Variants in ZNF664 observed in about 807,000 individuals in gnomAD.
ZNF664 encodes zinc finger protein 664.
In ZNF664, 10 loss-of-function variants were observed where a neutral mutation model predicts 18.2. The observed-to-expected ratio is 0.55, with a 90% CI of 0.34 to 0.93. ZNF664 has a LOEUF of 0.93. Ranked by LOEUF, ZNF664 falls within the 40% of genes least tolerant of loss-of-function variation. ZNF664 has a pLI of 0.02. For synonymous variants in ZNF664, 119 were observed against 104.2 expected, an observed-to-expected ratio of 1.14 and a Z score of -0.86; for missense variants, 193 against 319.0, an observed-to-expected ratio of 0.61 and a Z score of 3.01.
In ZNF664 at chr12:124,013,254, T is replaced by G; in HGVS notation, c.*324T>G. The G allele has an allele frequency of 2.8e-6, 1 of 358,604 alleles. No homozygotes were observed. The highest frequency in any genetic ancestry group is 5.3e-6 in the Non-Finnish European group (1 of 188,814). 22.2% of individuals were successfully genotyped at this position (358,604 alleles called of 1,614,324 possible). A position where few individuals can be genotyped will look rare whatever the true frequency, so the allele number is the denominator to read the frequency against. On this transcript the variant is annotated 3_prime_UTR_variant, in exon 5 of 5. Transcript: ENST00000337815. Reference sequence around the variant, plus strand: ...TCATTGCCCGGCCTCCTGAGTCACCTTCTATCTATACTTTGCTTAAAAGCT... The same window carrying G: ...TCATTGCCCGGCCTCCTGAGTCACCGTCTATCTATACTTTGCTTAAAAGCT...
intron 2 of ZNF664, among the ~76,000 whole-genome samples, chr12:123,975,455 C>T (rs1956678662): frequency 6.6e-6 from 1 of 150,486 alleles, no homozygotes; most frequent in Non-Finnish European, 1.5e-5. Flanking sequence ...GATAGGGTCT[C>T]TTTCTGTTGC....
At chr12:124,001,361 T>G (rs1201175270) in intron 3 of ZNF664, among the ~76,000 whole-genome samples, 1 of 152,206 alleles carries the variant, frequency 6.6e-6, no homozygotes, top group South Asian at 2.1e-4. Context: ...CTACCAAATT[T>G]TAAAACAAAA....
intron 3 of ZNF664, among the ~76,000 whole-genome samples, chr12:123,995,101 TCAGA>T (rs1206882949): frequency 1.3e-5 from 2 of 152,172 alleles, no homozygotes; most frequent in African/African-American, 4.8e-5. Flanking sequence ...AAGCTGGTGC[TCAGA>T]CAGTTGAGAG....
chr12:123,994,588 GA>G (rs1287150925), intron 3 of ZNF664, among the ~76,000 whole-genome samples: 1 of 152,216 alleles, frequency 6.6e-6, no homozygotes, highest in Non-Finnish European at 1.5e-5. Flanking sequence ...GGTTGAAGTA[GA>G]TGAAGAAATC....
Position 123,973,347 on chromosome 12 carries a change from C to G in ZNF664, c.-897C>G, listed in dbSNP as rs1455754855. The G allele has an allele frequency of 3.1e-6, 3 of 955,646 alleles. No homozygotes were observed. Among genetic ancestry groups the G allele is most frequent in the Non-Finnish European group, 3.7e-6 (3 of 811,964 alleles). The allele number at this position is 955,646 out of a possible 1,614,324, so 59.2% of individuals were successfully genotyped here. On this transcript the variant is annotated 5_prime_UTR_variant, in exon 1 of 5. Transcript: ENST00000337815. The stretch of plus-strand genomic sequence containing the variant: ...CGGCCTGGGGCGCTGACTCCCCTCA[C>G]TTGGAGTGAGTTCTCGGCGGCCGGG...
intron 2 of ZNF664, among the ~76,000 whole-genome samples, chr12:123,980,353 C>G (rs1263608617): frequency 6.6e-6 from 1 of 152,024 alleles, no homozygotes; most frequent in South Asian, 2.1e-4. Context: ...TATACAGTGC[C>G]TAGTACCTAA....
chr12:123,991,344 A>G (rs1363877904), intron 3 of ZNF664, among the ~76,000 whole-genome samples: 2 of 152,204 alleles, frequency 1.3e-5, no homozygotes, highest in East Asian at 1.9e-4. Flanking sequence ...GTGACTAGAT[A>G]GTCAAGAAGG....
intron 3 of ZNF664, among the ~76,000 whole-genome samples, chr12:124,000,895 G>A (rs1200136104): frequency 2.0e-5 from 3 of 152,118 alleles, no homozygotes; most frequent in Non-Finnish European, 4.4e-5. Flanking sequence ...CCATCTAAAT[G>A]TTAACGGCTC....
At chr12:123,981,367 T>C (rs1956763154) in intron 2 of ZNF664, among the ~76,000 whole-genome samples, 1 of 152,180 alleles carries the variant, frequency 6.6e-6, no homozygotes, top group African/African-American at 2.4e-5. Context: ...TTCAGAGGTT[T>C]GGCTCATGAG....
At chr12:123,982,314 G>A (rs1411433588) in intron 2 of ZNF664, among the ~76,000 whole-genome samples, 1 of 152,192 alleles carries the variant, frequency 6.6e-6, no homozygotes, top group Non-Finnish European at 1.5e-5. Flanking sequence ...GAAGGTAGAT[G>A]TCTTCATCAG....
intron 2 of ZNF664, among the ~76,000 whole-genome samples, chr12:123,980,031 C>T (rs1316011212): frequency 6.6e-6 from 1 of 152,028 alleles, no homozygotes; most frequent in Non-Finnish European, 1.5e-5. Flanking sequence ...CTGACATAGC[C>T]TGTATGGATG....
intron 3 of ZNF664, among the ~76,000 whole-genome samples, chr12:124,001,299 A>C (rs1289946420): frequency 6.6e-6 from 1 of 152,112 alleles, no homozygotes; most frequent in Non-Finnish European, 1.5e-5. Flanking sequence ...CCCATCCTTT[A>C]ATTTCTGTAC....
intron 2 of ZNF664, among the ~76,000 whole-genome samples, chr12:123,983,719 T>C (rs991520873): frequency 6.6e-6 from 1 of 152,236 alleles, no homozygotes; most frequent in South Asian, 2.1e-4. Flanking sequence ...AGTTCAAATA[T>C]GTTTAGGATT....
At chr12:124,004,020 G>A (rs1957042839) in intron 3 of ZNF664, among the ~76,000 whole-genome samples, 1 of 152,224 alleles carries the variant, frequency 6.6e-6, no homozygotes, top group Non-Finnish European at 1.5e-5. Flanking sequence ...AGCGCAGAGA[G>A]AAGCTGTGGA....
At chr12:123,992,926 A>T (rs73409418) in intron 3 of ZNF664, among the ~76,000 whole-genome samples, 2,484 of 152,224 alleles carry the variant, frequency 0.016, 68 homozygotes, top group African/African-American at 0.054. Flanking sequence ...CTCAGTTCTG[A>T]CCACCTCCAA....
intron 2 of ZNF664, among the ~76,000 whole-genome samples, chr12:123,986,724 T>C (rs1322608378): frequency 1.3e-5 from 2 of 152,216 alleles, no homozygotes; most frequent in African/African-American, 2.4e-5. Flanking sequence ...ATGTGGCCGA[T>C]GGCTGCCTGG....
chr12:123,978,683 A>G (rs1956724417), intron 2 of ZNF664, among the ~76,000 whole-genome samples: 1 of 152,168 alleles, frequency 6.6e-6, no homozygotes, highest in African/African-American at 2.4e-5. Flanking sequence ...ATAGGAGTAA[A>G]TGTCCTAGAA....
intron 3 of ZNF664, among the ~76,000 whole-genome samples, chr12:123,995,575 G>C (rs562086512): frequency 6.6e-6 from 1 of 150,704 alleles, no homozygotes; most frequent in African/African-American, 2.4e-5. Context: ...GGAGGTGGGC[G>C]GAGATGGGTG....
intron 3 of ZNF664, among the ~76,000 whole-genome samples, chr12:123,996,793 A>G (rs1279952666): frequency 6.6e-6 from 1 of 152,170 alleles, no homozygotes; most frequent in African/African-American, 2.4e-5. Flanking sequence ...TCATTCCTGC[A>G]TTACCAGGAC....
Sources: allele counts gnomAD v4.1 joint callset (sites outside exome capture counted in the v4.1 genomes callset), GRCh38; gene constraint gnomAD v4.1.1; transcripts MANE v1.5; gene names NCBI Gene and HGNC (gene_info 2026-07-23, HGNC 2026-07-21).